The following SORCS1 variants were observed in gnomAD, a reference collection of about 807,000 sequenced individuals.
The protein encoded by SORCS1 is VPS10 domain-containing receptor SorCS1.
Under a neutral mutation model 146.1 loss-of-function variants are expected in SORCS1, and 60 were observed. That is an observed-to-expected ratio of 0.41 (90% CI 0.33 to 0.51). The LOEUF (loss-of-function observed/expected upper bound fraction) is 0.51. SORCS1 is among the 20% of genes least tolerant of loss of function. The pLI, the probability that SORCS1 is intolerant of heterozygous loss-of-function variation, is 0.21. For synonymous variants in SORCS1, 637 were observed against 584.0 expected (o/e 1.09, Z -1.31); for missense variants, 1,352 against 1,487.6 (o/e 0.91, Z 1.50).
At chr10:106,946,024 C>G (rs1954323760) in intron 2 of SORCS1, among the ~76,000 whole-genome samples, 1 of 152,194 alleles carries the variant, frequency 6.6e-6, no homozygotes, top group South Asian at 2.1e-4. Flanking sequence ...CTGGGCTTTT[C>G]CCACTTGGCA....
chr10:106,744,271 A>ATT (rs983898081), intron 5 of SORCS1, among the ~76,000 whole-genome samples: 14 of 151,890 alleles, frequency 9.2e-5, no homozygotes, highest in African/African-American at 3.1e-4. Flanking sequence ...GGCCCAGCTA[A>ATT]TTTTTTTGTA....
In SORCS1 at chr10:106,854,854, C is replaced by G. The variant is rs111499460; in HGVS notation, c.627-25181G>C. ...GTGTGTATATATATACATGAGCATA[C>G]GTAATTGAATACATTGTTGCTATTA... is the stretch of plus-strand genomic sequence containing the variant. On this transcript the variant is annotated intron_variant, in intron 2 of 25. Transcript: ENST00000263054. Among the ~76,000 whole-genome samples, 3 of 152,040 alleles carry G rather than the reference C, an allele frequency of 2.0e-5. No individual in the cohort carries two copies. The South Asian group carries it at 6.2e-4, about 31-fold the overall frequency.
chr10:106,998,753 T>A (rs1293397543), intron 1 of SORCS1, among the ~76,000 whole-genome samples: 1 of 152,206 alleles, frequency 6.6e-6, no homozygotes, highest in Non-Finnish European at 1.5e-5. Context: ...TACCTCATTT[T>A]AAAAAACTGG....
At chr10:107,144,258 C>T (rs1222632742) in intron 1 of SORCS1, among the ~76,000 whole-genome samples, 1 of 152,212 alleles carries the variant, frequency 6.6e-6, no homozygotes, top group Non-Finnish European at 1.5e-5. Context: ...AATTATATTT[C>T]AACTATTTAA....
chr10:106,966,973 T>C (rs1230747052), intron 1 of SORCS1, among the ~76,000 whole-genome samples: 1 of 152,208 alleles, frequency 6.6e-6, no homozygotes, highest in Non-Finnish European at 1.5e-5. Flanking sequence ...TAGAGTCAGG[T>C]CTTTATATTC....
chr10:107,058,498 T>C (rs924349452), intron 1 of SORCS1, among the ~76,000 whole-genome samples: 7 of 152,218 alleles, frequency 4.6e-5, no homozygotes, highest in African/African-American at 1.7e-4. Flanking sequence ...TTACCTTGAC[T>C]ATAATTTTCT....
chr10:106,580,209 G>A (rs1023045607), intron 24 of SORCS1, among the ~76,000 whole-genome samples: 70 of 152,214 alleles, frequency 4.6e-4, no homozygotes, highest in Admixed American at 7.8e-4. Flanking sequence ...GGGTAGCCGC[G>A]GAGATGCTGA....
At position 106,822,772 on chromosome 10, in the gene SORCS1, T is replaced by A. The variant is rs140445359; in HGVS notation, c.726+6802A>T. On this transcript the variant is annotated intron_variant, in intron 3 of 25. Transcript: ENST00000263054. ...ATGCCACTTCCACTATGTCTCTGAATTCATGTGTGGTTTTTTTTTTTTTTT... is the reference window on the plus strand; with the variant it reads ...ATGCCACTTCCACTATGTCTCTGAAATCATGTGTGGTTTTTTTTTTTTTTT... Among the ~76,000 whole-genome samples the A allele has an allele frequency of 3.8e-3, 568 of 150,756 alleles. 1 individual carries two copies. The highest frequency in any genetic ancestry group is 6.1e-3 in the Non-Finnish European group (417 of 67,834).
At chr10:107,093,235 C>T (rs1314482855) in intron 1 of SORCS1, among the ~76,000 whole-genome samples, 5 of 152,176 alleles carry the variant, frequency 3.3e-5, no homozygotes, top group Admixed American at 6.5e-5. Context: ...ATACACACTT[C>T]GATTGACCGA....
intron 2 of SORCS1, among the ~76,000 whole-genome samples, chr10:106,878,908 G>A (rs1387012628): frequency 2.0e-5 from 3 of 151,534 alleles, no homozygotes; most frequent in South Asian, 2.1e-4. Context: ...AGCACTTTGG[G>A]AAGCTGAGGC....
At chr10:106,743,840 A>G (rs1857525011) in intron 5 of SORCS1, among the ~76,000 whole-genome samples, 1 of 152,234 alleles carries the variant, frequency 6.6e-6, no homozygotes, top group African/African-American at 2.4e-5. Context: ...AGTAAAAAAA[A>G]GGAAACTAAA....
At position 106,894,307 on chromosome 10, in the gene SORCS1, G is replaced by A. The variant is rs555278515; in HGVS notation, c.626+62206C>T. Among the ~76,000 whole-genome samples, 101 of 139,104 alleles carry A rather than the reference G, an allele frequency of 7.3e-4. 1 individual carries two copies. The highest frequency in any genetic ancestry group is 1.2e-3 in the Non-Finnish European group (74 of 63,498). The allele number at this position is 139,104 out of a possible 152,430, so 91.3% of individuals were successfully genotyped here. On this transcript the variant is annotated intron_variant, in intron 2 of 25. Transcript: ENST00000263054. ...TGTGTGTGTGTGTGTGTGTGTGTGTGTAGGGAGAATAGAAAGGCCTCTGTG... is the reference window on the plus strand; with the variant it reads ...TGTGTGTGTGTGTGTGTGTGTGTGTATAGGGAGAATAGAAAGGCCTCTGTG...
intron 2 of SORCS1, among the ~76,000 whole-genome samples, chr10:106,930,230 C>A (rs1277034920): frequency 6.6e-6 from 1 of 151,644 alleles, no homozygotes; most frequent in Non-Finnish European, 1.5e-5. Context: ...TGCAGTGAGC[C>A]GAGATCGTGC....
intron 19 of SORCS1, among the ~76,000 whole-genome samples, chr10:106,624,038 G>T (rs1478561052): frequency 6.6e-6 from 1 of 152,136 alleles, no homozygotes; most frequent in Admixed American, 6.6e-5. Context: ...TCTAGGTGCT[G>T]GGGATACCTG....
At chr10:106,970,499 C>T (rs542501391) in intron 1 of SORCS1, among the ~76,000 whole-genome samples, 6 of 151,794 alleles carry the variant, frequency 4.0e-5, no homozygotes, top group African/African-American at 7.3e-5. Flanking sequence ...CCACCACGCC[C>T]GGCTAATTTT....
rs138038443 is a variant in SORCS1 at position 106,838,381 on chromosome 10, T to C, written c.627-8708A>G. 1.7e-3 allele frequency among the ~76,000 whole-genome samples: 260 copies of C among 152,334 alleles called. 2 individuals are homozygous for C. The highest frequency in any genetic ancestry group is 5.9e-3 in the African/African-American group (245 of 41,578). On this transcript the variant is annotated intron_variant, in intron 2 of 25. Transcript: ENST00000263054. ...CATGCATAGCTTTCCCCATTATCAA[T>C]ATCCTCCTTCAGAGTGTTACATTTG... is the stretch of plus-strand genomic sequence containing the variant.
chr10:106,664,652 AG>A (rs1414297742), intron 17 of SORCS1, among the ~76,000 whole-genome samples: 1 of 152,086 alleles, frequency 6.6e-6, no homozygotes, highest in Admixed American at 6.5e-5. Context: ...AAAAACAAAG[AG>A]GAAAAAAAAG....
chr10:107,015,068 C>T (rs1957842646), intron 1 of SORCS1, among the ~76,000 whole-genome samples: 1 of 152,178 alleles, frequency 6.6e-6, no homozygotes, highest in South Asian at 2.1e-4. Context: ...TCTAGGGCAG[C>T]TACAACCTTT....
intron 5 of SORCS1, among the ~76,000 whole-genome samples, chr10:106,733,877 T>C (rs1018425323): frequency 6.6e-6 from 1 of 152,204 alleles, no homozygotes; most frequent in African/African-American, 2.4e-5. Flanking sequence ...TCATAGTTCA[T>C]AATGATTTGC....
Sources: allele counts gnomAD v4.1 joint callset (sites outside exome capture counted in the v4.1 genomes callset), GRCh38; gene constraint gnomAD v4.1.1; transcripts MANE v1.5; gene names NCBI Gene and HGNC (gene_info 2026-07-23, HGNC 2026-07-21).